Variants in CDCA8 observed in about 807,000 individuals in gnomAD.
CDCA8 encodes the protein borealin.
In CDCA8, 25 loss-of-function variants were observed where a neutral mutation model predicts 40.0. The ratio of observed to expected loss-of-function variants is 0.63; its 90% CI spans 0.46 to 0.87. The LOEUF is 0.87. CDCA8 is among the 40% of genes least tolerant of loss of function. CDCA8 has a pLI of 0.00. For synonymous variants in CDCA8, 111 were observed against 126.5 expected (o/e 0.88, Z 0.82); for missense variants, 280 against 348.4 (o/e 0.80, Z 1.56).
chr1:37,695,912 C>T lies in CDCA8; in HGVS notation c.226C>T (p.Leu76Phe), dbSNP rs1315331301. The T allele has an allele frequency of 1.2e-6, 2 of 1,613,696 alleles. No homozygotes were observed. Among genetic ancestry groups the T allele is most frequent in the South Asian group, 1.1e-5 (1 of 91,052 alleles). Residue 76 changes from leucine (L) to phenylalanine (F), a missense_variant and splice_region_variant, in exon 3 of 10, where the codon CTT becomes TTT. Transcript: ENST00000373055. ...TAACTACAACGTTCTTTTTAAAGCC[C>T]TTGGAGGAAACAAACAGGCCCTGGA... Reference protein sequence around the residue: ...REMNWLDYFALGGNKQALEEA... With the variant: ...REMNWLDYFAFGGNKQALEEA...
chr1:37,700,874 G>A (rs148300613), intron 5 of CDCA8, among the ~76,000 whole-genome samples: 1 of 152,182 alleles, frequency 6.6e-6, no homozygotes, highest in African/African-American at 2.4e-5. Flanking sequence ...CTGACATGCT[G>A]ACACTATAGA....
intron 5 of CDCA8, 50 bp from the exon 6 acceptor site, chr1:37,701,704 C>A: frequency 7.7e-7 from 1 of 1,302,630 alleles, no homozygotes; most frequent in Non-Finnish European, 1.1e-6. Context: ...CCTTACCTTC[C>A]TCTTTGCTGG....
chr1:37,701,439 G>T (rs1160681013), intron 5 of CDCA8, among the ~76,000 whole-genome samples: 1 of 152,146 alleles, frequency 6.6e-6, no homozygotes, highest in Non-Finnish European at 1.5e-5. Context: ...CACCTGGGAC[G>T]CCCTGAGTGA....
At chr1:37,705,248 C>A (rs954246721) in intron 7 of CDCA8, among the ~76,000 whole-genome samples, 193 bp from the exon 8 acceptor site, 1 of 152,094 alleles carries the variant, frequency 6.6e-6, no homozygotes, top group Non-Finnish European at 1.5e-5. Context: ...TCAATAATTA[C>A]AACCTTCTTT....
chr1:37,699,514 T>C (rs1645548493), intron 4 of CDCA8, among the ~76,000 whole-genome samples: 1 of 151,298 alleles, frequency 6.6e-6, no homozygotes, highest in Non-Finnish European at 1.5e-5. Flanking sequence ...TGAGGATTAC[T>C]TGAGCCCAGG....
At chr1:37,693,860 G>A (rs1645503014) in intron 2 of CDCA8, among the ~76,000 whole-genome samples, 1 of 152,164 alleles carries the variant, frequency 6.6e-6, no homozygotes, top group African/African-American at 2.4e-5. Flanking sequence ...GCATCAGGCT[G>A]GGCGTGGTGG....
rs1328905631 is a variant in CDCA8, at chr1:37,709,140, T to TACC, written c.*775_*777dup. Reference sequence around the variant, plus strand: ...AGACAACTTCCATGTCTTGCTCTTCTACCTCCCTAGTTAGTGGAAATTTGG... The same window carrying TACC: ...AGACAACTTCCATGTCTTGCTCTTCTACCACCTCCCTAGTTAGTGGAAATTTGG... On this transcript the variant is annotated 3_prime_UTR_variant, in exon 10 of 10. Coordinates refer to ENST00000373055, the MANE Select transcript of CDCA8 (RefSeq NM_001256875.2). 6.6e-6 allele frequency: 1 copy of TACC among 152,298 alleles called. No homozygotes were observed. The highest frequency in any genetic ancestry group is 1.5e-5 in the Non-Finnish European group (1 of 68,108). The allele number at this position is 152,298 out of a possible 1,614,324, so 9.4% of individuals were successfully genotyped here.
chr1:37,705,586 A>G lies in CDCA8; in HGVS notation c.711+19A>G. ...CGGAGAGGTGAAGTATTTCCAAGGG[A>G]AGCCAGGCCACAGTGTGCTGCTTAG... On this transcript the variant is annotated intron_variant, in intron 8 of 9. Transcript: ENST00000373055. 6.2e-7 allele frequency: 1 copy of G among 1,611,768 alleles called. No individual in the cohort carries two copies. Among genetic ancestry groups the G allele is most frequent in the Non-Finnish European group, 8.5e-7 (1 of 1,179,404 alleles).
In CDCA8 at chr1:37,705,471, A is replaced by C; in HGVS notation, c.615A>C (p.Pro205=). The change falls in exon 8 of 10, where the codon CCA becomes CCC. Residue 205 remains proline (P), a synonymous_variant. Transcript: ENST00000373055. ...RVFKTPGLRT[P]AAGERIYNIS... ...TCAAGACCCCTGGCCTGCGTACTCC[A>C]GCAGCAGGAGAGCGGATTTACAACA... 1 of 1,613,992 alleles carries C rather than the reference A, an allele frequency of 6.2e-7. No homozygotes were observed. Among genetic ancestry groups the C allele is most frequent in the South Asian group, 1.1e-5 (1 of 91,076 alleles).
chr1:37,708,300 A>G (rs759254474), intron 9 of CDCA8, 22 bp from the exon 10 acceptor site: 2 of 1,603,760 alleles, frequency 1.2e-6, no homozygotes, highest in Non-Finnish European at 1.7e-6. Context: ...TTCTACAATG[A>G]CCTCTCTCCT....
intron 2 of CDCA8, 69 bp downstream of exon 2, chr1:37,693,102 A>C: frequency 7.0e-7 from 1 of 1,435,430 alleles, no homozygotes; most frequent in East Asian, 2.3e-5. Flanking sequence ...CCCTTCAGAA[A>C]GGGCTCGCTC....
chr1:37,692,905 TG>T lies in CDCA8; in HGVS notation c.97del (p.Glu33LysfsTer36). The T allele has an allele frequency of 1.2e-6, 2 of 1,613,720 alleles. No homozygotes were observed. The highest frequency in any genetic ancestry group is 1.7e-6 in the Non-Finnish European group (2 of 1,179,978). Reference sequence around the variant, plus strand: ...TCCTGTCGGCTCTGCCCTCCCGCAGTGGAAATACGAATCAAGCAAATTGAGT... The same window carrying T: ...TCCTGTCGGCTCTGCCCTCCCGCAGTGAAATACGAATCAAGCAAATTGAGT... ...ASFLKDFDRE[V>X]EIRIKQIESD... On this transcript the variant is annotated frameshift_variant and splice_region_variant, in exon 2 of 10. Coordinates refer to ENST00000373055, the MANE Select transcript of CDCA8 (RefSeq NM_001256875.2). LOFTEE classifies it high-confidence loss of function.
chr1:37,708,748 C>T lies in CDCA8; in HGVS notation c.*382C>T. The T allele has an allele frequency of 3.4e-6, 1 of 296,850 alleles. No individual in the cohort carries two copies. The highest frequency in any genetic ancestry group is 6.6e-6 in the Non-Finnish European group (1 of 151,558). The allele number at this position is 296,850 out of a possible 1,614,324, so 18.4% of individuals were successfully genotyped here. ...GTTCTCAGGAAGACTGCCTCCACCA[C>T]CGCTACCCAGAGAACCTCTGCATCT... is the stretch of plus-strand genomic sequence containing the variant. On this transcript the variant is annotated 3_prime_UTR_variant, in exon 10 of 10. Transcript: ENST00000373055.
chr1:37,703,409 A>C, intron 7 of CDCA8, 62 bp downstream of exon 7: 1 of 1,232,806 alleles, frequency 8.1e-7, no homozygotes, highest in South Asian at 1.2e-5. Flanking sequence ...TACCCAGAGA[A>C]GGAGTGTCTA....
chr1:37,706,634 A>G (rs966623456), intron 8 of CDCA8, among the ~76,000 whole-genome samples: 1 of 152,194 alleles, frequency 6.6e-6, no homozygotes, highest in African/African-American at 2.4e-5. Flanking sequence ...TCAGCTTTGT[A>G]TAACTTAAGG....
At chr1:37,702,358 A>G (rs182543809) in intron 6 of CDCA8, among the ~76,000 whole-genome samples, 16 of 151,732 alleles carry the variant, frequency 1.1e-4, no homozygotes, top group African/African-American at 2.4e-4. Flanking sequence ...GATAGTCCAT[A>G]TGTAGAGCTA....
At chr1:37,707,446 G>A (rs555141010) in intron 9 of CDCA8, among the ~76,000 whole-genome samples, 7 of 152,304 alleles carry the variant, frequency 4.6e-5, no homozygotes, top group African/African-American at 1.4e-4. Flanking sequence ...CGAGCTGAAC[G>A]GCCAAGCCTC....
At chr1:37,705,655 C>T in intron 8 of CDCA8, 88 bp downstream of exon 8, 1 of 1,504,826 alleles carries the variant, frequency 6.6e-7, no homozygotes, top group Non-Finnish European at 9.1e-7. Context: ...GCTTCACCCT[C>T]AGAGTCCTTT....
In CDCA8 at chr1:37,696,187, C is replaced by T. The variant is rs1645525451; in HGVS notation, c.264+237C>T. Among the ~76,000 whole-genome samples the T allele has an allele frequency of 6.6e-6, 1 of 152,228 alleles. No homozygotes were observed. Among genetic ancestry groups the T allele is most frequent in the Non-Finnish European group, 1.5e-5 (1 of 68,046 alleles). On this transcript the variant is annotated intron_variant, in intron 3 of 9. Coordinates refer to ENST00000373055, the MANE Select transcript of CDCA8 (RefSeq NM_001256875.2). The surrounding 1 kb of genome is among the most constrained non-coding windows in gnomAD (Gnocchi z 5.0). Reference sequence around the variant, plus strand: ...ATTTCTTGCAGTCCTTTGTTCTGAACTCTACAGCGGAAGTAGAAAGCCTCA... The same window carrying T: ...ATTTCTTGCAGTCCTTTGTTCTGAATTCTACAGCGGAAGTAGAAAGCCTCA...
Sources: allele counts gnomAD v4.1 joint callset (sites outside exome capture counted in the v4.1 genomes callset), GRCh38; gene constraint gnomAD v4.1.1; non-coding constraint Gnocchi (gnomAD v3.1); transcripts MANE v1.5; gene names NCBI Gene and HGNC (gene_info 2026-07-23, HGNC 2026-07-21).